Variants in SPAG17 observed in about 807,000 individuals in gnomAD.
SPAG17 encodes sperm-associated antigen 17.
A neutral mutation model predicts 273.6 loss-of-function variants in SPAG17; 169 were observed. That is an observed-to-expected ratio of 0.62 (90% confidence interval 0.55 to 0.70). SPAG17 has a LOEUF of 0.70. Ranked by LOEUF, SPAG17 falls within the 30% of genes least tolerant of loss-of-function variation. SPAG17 has a pLI of 0.00. For missense variants in SPAG17, 2,557 were observed against 2,627.8 expected (o/e 0.97, Z 0.59); for synonymous variants, 825 against 873.2 (o/e 0.94, Z 0.97).
chr1:118,078,773 T>G (rs998938836), intron 15 of SPAG17, among the ~76,000 whole-genome samples: 1 of 152,098 alleles, frequency 6.6e-6, no homozygotes, highest in African/African-American at 2.4e-5. Context: ...TAATAAGATT[T>G]GTTTCATAAA....
At chr1:118,038,759 G>C (rs1310271991) in intron 23 of SPAG17, among the ~76,000 whole-genome samples, 5 of 152,102 alleles carry the variant, frequency 3.3e-5, no homozygotes, top group African/African-American at 1.2e-4. Context: ...GTGATTACCA[G>C]GGATTAGGAA....
At chr1:118,093,892 T>C (rs921946472) in intron 7 of SPAG17, among the ~76,000 whole-genome samples, 3 of 152,248 alleles carry the variant, frequency 2.0e-5, no homozygotes, top group African/African-American at 7.2e-5. Flanking sequence ...AATAGACTAT[T>C]GCTTCTATAA....
At chr1:117,980,170 G>T (rs142851906) in intron 43 of SPAG17, among the ~76,000 whole-genome samples, 120 of 152,258 alleles carry the variant, frequency 7.9e-4, no homozygotes, top group African/African-American at 2.8e-3. Flanking sequence ...AAACTTGTAG[G>T]AGAGAAGTTT....
intron 20 of SPAG17, among the ~76,000 whole-genome samples, chr1:118,048,399 C>T (rs1046524635): frequency 1.3e-5 from 2 of 152,110 alleles, no homozygotes; most frequent in Non-Finnish European, 2.9e-5. Flanking sequence ...CCTCAGCAGA[C>T]CCAGGCTTCA....
intron 13 of SPAG17, among the ~76,000 whole-genome samples, chr1:118,084,758 A>G (rs977075620): frequency 2.0e-5 from 3 of 152,208 alleles, no homozygotes; most frequent in Non-Finnish European, 4.4e-5. Flanking sequence ...ACTCCTGCTC[A>G]GTAATGTAAG....
At chr1:118,015,364 T>A (rs2101798673) in intron 29 of SPAG17, among the ~76,000 whole-genome samples, 1 of 152,286 alleles carries the variant, frequency 6.6e-6, no homozygotes, top group Non-Finnish European at 1.5e-5. Context: ...ACCATTATGT[T>A]CTGTACCACT....
At chr1:118,184,182 G>A (rs1661072533) in intron 1 of SPAG17, among the ~76,000 whole-genome samples, 1 of 152,014 alleles carries the variant, frequency 6.6e-6, no homozygotes. Flanking sequence ...TGACTCTCTA[G>A]TGCACCATAC....
At chr1:118,173,886 A>G (rs1660545555) in intron 1 of SPAG17, among the ~76,000 whole-genome samples, 1 of 150,560 alleles carries the variant, frequency 6.6e-6, no homozygotes, top group African/African-American at 2.4e-5. Context: ...AAGTACACAC[A>G]CAGAGCCAGG....
chr1:118,078,154 T>C (rs1654254262), intron 15 of SPAG17, among the ~76,000 whole-genome samples: 1 of 152,110 alleles, frequency 6.6e-6, no homozygotes, highest in African/African-American at 2.4e-5. Context: ...ACCAATCCTA[T>C]TCCATTGATT....
chr1:118,172,207 T>C (rs1398999057), intron 1 of SPAG17, among the ~76,000 whole-genome samples: 1 of 152,224 alleles, frequency 6.6e-6, no homozygotes, highest in Non-Finnish European at 1.5e-5. Context: ...TTTTAAAATA[T>C]GTAGATATTT....
chr1:117,982,531 G>A (rs1392175527), intron 42 of SPAG17, among the ~76,000 whole-genome samples: 5 of 152,250 alleles, frequency 3.3e-5, no homozygotes, highest in African/African-American at 9.6e-5. Context: ...GTGAGCCACC[G>A]TGCCCGGCCC....
intron 43 of SPAG17, among the ~76,000 whole-genome samples, chr1:117,974,948 AT>A (rs1291104882): frequency 6.6e-6 from 1 of 152,104 alleles, no homozygotes; most frequent in Non-Finnish European, 1.5e-5. Flanking sequence ...CTCCATCTCT[AT>A]GCAAACTCCT....
chr1:118,145,988 G>A (rs1296136480), intron 3 of SPAG17, among the ~76,000 whole-genome samples: 1 of 152,132 alleles, frequency 6.6e-6, no homozygotes, highest in Non-Finnish European at 1.5e-5. Context: ...TGTGGATGAA[G>A]GCTCATTTCC....
At position 117,996,644 on chromosome 1, in the gene SPAG17, G is replaced by C. The variant is rs1246189673; in HGVS notation, c.4876C>G (p.His1626Asp). Residue 1626 changes from histidine (H) to aspartate (D), a missense_variant, in exon 33 of 49, where the codon CAC becomes GAC. Coordinates refer to ENST00000336338, the MANE Select transcript of SPAG17 (RefSeq NM_206996.4). ...ATTTGCTGATGATTCTTTTCAAGGT[G>C]CATAGAGGACAGACTATCATAGCCC... ...TEGYDSLSSMHLEKNHQQIYG... is the reference protein window; with the variant it reads ...TEGYDSLSSMDLEKNHQQIYG... The C allele has an allele frequency of 6.2e-7, 1 of 1,612,610 alleles. No individual in the cohort carries two copies. The highest frequency in any genetic ancestry group is 1.3e-5 in the African/African-American group (1 of 74,828).
intron 32 of SPAG17, among the ~76,000 whole-genome samples, 176 bp from the exon 33 acceptor site, chr1:117,996,919 G>A (rs1277804821): frequency 2.6e-5 from 4 of 152,022 alleles, no homozygotes; most frequent in African/African-American, 4.8e-5. Context: ...TAAAAACCTA[G>A]CAGCATAACT....
chr1:117,964,019 G>T, intron 47 of SPAG17, 81 bp from the exon 48 acceptor site: 1 of 1,472,864 alleles, frequency 6.8e-7, no homozygotes, highest in South Asian at 1.3e-5. Context: ...TAGAATCATA[G>T]AATTTCTTCT....
chr1:118,016,469 C>T (rs1659992851), intron 28 of SPAG17, among the ~76,000 whole-genome samples: 1 of 152,178 alleles, frequency 6.6e-6, no homozygotes, highest in Non-Finnish European at 1.5e-5. Flanking sequence ...TGGTCAACTT[C>T]TGTACTCTTT....
At position 118,090,130 on chromosome 1, in the gene SPAG17, C is replaced by G. The variant is rs538356648; in HGVS notation, c.1359+1476G>C. On this transcript the variant is annotated intron_variant, in intron 10 of 48. Coordinates refer to ENST00000336338, the MANE Select transcript of SPAG17 (RefSeq NM_206996.4). ...AATACAATGGGGGATAAAAACAGTT[C>G]CTACTTCATAGGATTGTTCTGAAGA... 1.0e-3 allele frequency among the ~76,000 whole-genome samples: 159 copies of G among 152,230 alleles called. 2 individuals carry two copies. Among genetic ancestry groups the G allele is most frequent in the African/African-American group, 3.6e-3 (151 of 41,540 alleles).
chr1:118,121,532 G>A (rs1452751818), intron 3 of SPAG17, among the ~76,000 whole-genome samples: 4 of 152,152 alleles, frequency 2.6e-5, no homozygotes, highest in African/African-American at 9.7e-5. Flanking sequence ...GATTCTCATA[G>A]GAGTGTGGAC....
Sources: allele counts gnomAD v4.1 joint callset (sites outside exome capture counted in the v4.1 genomes callset), GRCh38; gene constraint gnomAD v4.1.1; transcripts MANE v1.5; gene names NCBI Gene and HGNC (gene_info 2026-07-23, HGNC 2026-07-21).